Variants in RNLS observed in about 807,000 individuals in gnomAD.
RNLS encodes the protein renalase.
Under a neutral mutation model 39.8 loss-of-function variants are expected in RNLS, and 39 were observed. The ratio of observed to expected loss-of-function variants is 0.98; its 90% CI spans 0.76 to 1.28. RNLS has a LOEUF of 1.28. Ranked by LOEUF, RNLS falls within the 50% of genes most tolerant of loss-of-function variation. The probability of loss-of-function intolerance (pLI) is 0.00; values close to 1 mark genes in which losing one functional copy is unlikely to be tolerated. For missense variants in RNLS, 410 were observed against 413.3 expected, an observed-to-expected ratio of 0.99 and a Z score of 0.07; for synonymous variants, 147 against 150.7, an observed-to-expected ratio of 0.98 and a Z score of 0.18.
intron 4 of RNLS, among the ~76,000 whole-genome samples, chr10:88,493,441 G>A (rs1018764172): frequency 6.6e-6 from 1 of 151,600 alleles, no homozygotes; most frequent in African/African-American, 2.4e-5. Context: ...TCAGCTATTG[G>A]TTAATGAATA....
chr10:88,477,291 A>G (rs942922850), intron 4 of RNLS, among the ~76,000 whole-genome samples: 5 of 152,186 alleles, frequency 3.3e-5, no homozygotes, highest in African/African-American at 4.8e-5. Flanking sequence ...CGAAGGAACA[A>G]CAAAGCAGGT....
At chr10:88,260,531 A>G in the RNLS span, among the ~76,000 whole-genome samples, 4 of 152,212 alleles carry the variant, frequency 2.6e-5, no homozygotes, top group African/African-American at 9.6e-5. Flanking sequence ...CAGAATTTGA[A>G]TGTGAACTCA....
chr10:88,524,946 A>C (rs1490658676), intron 4 of RNLS, among the ~76,000 whole-genome samples: 1 of 100,848 alleles, frequency 9.9e-6, no homozygotes, highest in African/African-American at 4.5e-5. Context: ...ATATATATAT[A>C]TGGCACACAC....
At chr10:88,415,425 A>T (rs773519898) in intron 4 of RNLS, among the ~76,000 whole-genome samples, 3 of 152,202 alleles carry the variant, frequency 2.0e-5, no homozygotes, top group Non-Finnish European at 2.9e-5. Flanking sequence ...TTCTTATCCA[A>T]AACAAAATCT....
intron 5 of RNLS, among the ~76,000 whole-genome samples, chr10:88,355,981 G>T (rs111624315): frequency 1.3e-5 from 2 of 152,330 alleles, no homozygotes; most frequent in African/African-American, 4.8e-5. Context: ...GGCAACGAGA[G>T]ATGAGCAAGG....
intron 4 of RNLS, among the ~76,000 whole-genome samples, chr10:88,493,942 C>T (rs890391289): frequency 6.6e-6 from 1 of 152,090 alleles, no homozygotes; most frequent in Non-Finnish European, 1.5e-5. Context: ...GACATTCAAA[C>T]GATGATGTCT....
At chr10:88,356,070 G>A (rs561508657) in intron 5 of RNLS, among the ~76,000 whole-genome samples, 8 of 152,318 alleles carry the variant, frequency 5.3e-5, no homozygotes, top group East Asian at 1.9e-4. Context: ...CATTGGAAAA[G>A]AGCAGTATTA....
intron 4 of RNLS, among the ~76,000 whole-genome samples, chr10:88,427,431 G>T (rs1437018305): frequency 1.3e-5 from 2 of 151,878 alleles, no homozygotes; most frequent in African/African-American, 2.4e-5. Context: ...GACAATTGTT[G>T]ATCTCTTTCC....
chr10:88,295,876 A>C (rs1470817078), intron 6 of RNLS, among the ~76,000 whole-genome samples: 1 of 152,164 alleles, frequency 6.6e-6, no homozygotes, highest in African/African-American at 2.4e-5. Flanking sequence ...AAACCCTGAA[A>C]ACACTGGAGC....
At chr10:88,314,308 T>C (rs756401832) in intron 6 of RNLS, among the ~76,000 whole-genome samples, 158 bp downstream of exon 6, 3 of 152,182 alleles carry the variant, frequency 2.0e-5, no homozygotes, top group African/African-American at 4.8e-5. Context: ...ATAAAACCCA[T>C]AGAAGTTATA....
chr10:88,520,176 G>A (rs1276032680), intron 4 of RNLS, among the ~76,000 whole-genome samples: 2 of 151,990 alleles, frequency 1.3e-5, no homozygotes. Context: ...ACTTTAGTGA[G>A]AAGTTCTTTG....
chr10:88,431,209 T>C (rs1218245788), intron 4 of RNLS, among the ~76,000 whole-genome samples: 2 of 151,646 alleles, frequency 1.3e-5, no homozygotes, highest in Non-Finnish European at 3.0e-5. Flanking sequence ...GTAATTTGTG[T>C]TTTTCAAGAA....
the RNLS span, among the ~76,000 whole-genome samples, chr10:88,203,318 GTA>G: frequency 0.067 from 291 of 4,344 alleles, 73 homozygotes; most frequent in Middle Eastern, 0.17. Context: ...ATATACGTAT[GTA>G]TATATATATA....
At chr10:88,212,798 T>C in the RNLS span, among the ~76,000 whole-genome samples, 3 of 152,068 alleles carry the variant, frequency 2.0e-5, no homozygotes, top group South Asian at 6.2e-4. Context: ...CCAGGTGGAG[T>C]GTTGGCTGTC....
At chr10:88,547,763 G>C (rs1848392311) in intron 4 of RNLS, among the ~76,000 whole-genome samples, 1 of 152,056 alleles carries the variant, frequency 6.6e-6, no homozygotes, top group African/African-American at 2.4e-5. Context: ...ATTGCTAAAA[G>C]AATAAATTTT....
intron 5 of RNLS, among the ~76,000 whole-genome samples, chr10:88,331,795 C>T (rs1481568926): frequency 6.6e-6 from 1 of 152,104 alleles, no homozygotes; most frequent in Non-Finnish European, 1.5e-5. Flanking sequence ...AGAGTTACTA[C>T]AATTTAGCTC....
chr10:88,360,230 A>T (rs1483379603), intron 5 of RNLS, among the ~76,000 whole-genome samples: 5 of 152,164 alleles, frequency 3.3e-5, no homozygotes, highest in African/African-American at 1.2e-4. Flanking sequence ...TTATTCAGGT[A>T]GCACTCCTCA....
chr10:88,445,406 A>C (rs944205443), intron 4 of RNLS, among the ~76,000 whole-genome samples: 1 of 151,890 alleles, frequency 6.6e-6, no homozygotes, highest in Non-Finnish European at 1.5e-5. Flanking sequence ...AGAAACTGCA[A>C]GTAACGAGCA....
intron 4 of RNLS, among the ~76,000 whole-genome samples, chr10:88,523,530 A>C (rs1846888691): frequency 1.3e-5 from 2 of 152,134 alleles, no homozygotes; most frequent in South Asian, 4.1e-4. Flanking sequence ...GCTTTACATC[A>C]GGTTCCAAGC....
Sources: allele counts gnomAD v4.1 joint callset (sites outside exome capture counted in the v4.1 genomes callset), GRCh38; gene constraint gnomAD v4.1.1; transcripts MANE v1.5; gene names NCBI Gene and HGNC (gene_info 2026-07-23, HGNC 2026-07-21).